Variants in TBC1D12 observed in about 807,000 individuals in gnomAD.
TBC1D12 encodes TBC1 domain family, member 12.
TBC1D12 carries 56 observed loss-of-function variants against 86.7 expected under a neutral mutation model. That is an observed-to-expected ratio of 0.65 (90% confidence interval 0.52 to 0.81). TBC1D12 has a LOEUF of 0.81. Ranked by LOEUF, TBC1D12 falls within the 30% of genes least tolerant of loss-of-function variation. TBC1D12 has a pLI of 0.00. For missense variants in TBC1D12, 1,023 were observed against 1,038.8 expected, an observed-to-expected ratio of 0.98 and a Z score of 0.21; for synonymous variants, 421 against 411.7, an observed-to-expected ratio of 1.02 and a Z score of -0.27.
At chr10:94,465,778 A>ACATACATACGTATACG (rs2055805428) in intron 2 of TBC1D12, among the ~76,000 whole-genome samples, 3 of 137,830 alleles carry the variant, frequency 2.2e-5, no homozygotes, top group Non-Finnish European at 4.8e-5. Flanking sequence ...GTATACGCAT[A>ACATACATACGTATACG]CATACATACA....
At chr10:94,474,862 A>C in intron 3 of TBC1D12, 79 bp downstream of exon 3, 1 of 1,267,382 alleles carries the variant, frequency 7.9e-7, no homozygotes, top group Non-Finnish European at 1.1e-6. Context: ...TTTAAAAGAT[A>C]GCGAGAAAGA....
chr10:94,440,104 TTACTC>T (rs1300771166), intron 1 of TBC1D12, among the ~76,000 whole-genome samples: 1 of 152,196 alleles, frequency 6.6e-6, no homozygotes, highest in Non-Finnish European at 1.5e-5. Flanking sequence ...AAAGTAGAAA[TTACTC>T]TAGTGTCATA....
intron 9 of TBC1D12, among the ~76,000 whole-genome samples, chr10:94,513,720 T>A (rs976662339): frequency 3.3e-5 from 5 of 151,972 alleles, no homozygotes; most frequent in African/African-American, 1.2e-4. Flanking sequence ...CAAGCCACCA[T>A]GCTTGGCTAA....
chr10:94,522,916 C>A (rs991405747), intron 11 of TBC1D12, among the ~76,000 whole-genome samples: 4 of 151,806 alleles, frequency 2.6e-5, no homozygotes, highest in Middle Eastern at 3.4e-3. Context: ...TAGTGGCATG[C>A]ACCTGTAATC....
chr10:94,466,940 T>G (rs1332627986), intron 2 of TBC1D12, among the ~76,000 whole-genome samples: 1 of 152,196 alleles, frequency 6.6e-6, no homozygotes, highest in Non-Finnish European at 1.5e-5. Context: ...TTAATGAACT[T>G]GACACTTTTG....
intron 1 of TBC1D12, among the ~76,000 whole-genome samples, chr10:94,432,307 C>T (rs1339717585): frequency 3.9e-5 from 6 of 152,096 alleles, no homozygotes; most frequent in Non-Finnish European, 4.4e-5. Context: ...TATTTATGTA[C>T]CTTTTCACTG....
At chr10:94,497,821 CT>C (rs796259533) in intron 5 of TBC1D12, among the ~76,000 whole-genome samples, 8,208 of 100,054 alleles carry the variant, frequency 0.082, 310 homozygotes, top group Middle Eastern at 0.17. Context: ...ACTGTGTTTT[CT>C]TTTTTTTTTT....
chr10:94,507,476 A>G (rs542539238), intron 7 of TBC1D12, 129 bp downstream of exon 7: 1 of 838,806 alleles, frequency 1.2e-6, no homozygotes, highest in Admixed American at 3.5e-5. Flanking sequence ...AAACAAGGCT[A>G]GAAAAAAGAC....
chr10:94,407,545 G>A (rs531206830), intron 1 of TBC1D12, among the ~76,000 whole-genome samples: 12 of 152,224 alleles, frequency 7.9e-5, no homozygotes, highest in Admixed American at 2.0e-4. Flanking sequence ...TTAGCTGGGC[G>A]TGGTGGTGGG....
Position 94,497,173 on chromosome 10 carries a change from G to A in TBC1D12, c.1412+1G>A, listed in dbSNP as rs762081280. 1.3e-6 allele frequency: 2 copies of A among 1,499,176 alleles called. No individual in the cohort carries two copies. Among genetic ancestry groups the A allele is most frequent in the Non-Finnish European group, 1.8e-6 (2 of 1,122,100 alleles). The allele number at this position is 1,499,176 out of a possible 1,614,324, so 92.9% of individuals were successfully genotyped here. Reference sequence around the variant, plus strand: ...AAATACTGCCCAATTGGGAAGTAATGTAAGTAAGCAGACTTTTCCTAAATT... The same window carrying A: ...AAATACTGCCCAATTGGGAAGTAATATAAGTAAGCAGACTTTTCCTAAATT... On this transcript the variant is annotated splice_donor_variant, in intron 5 of 12. Transcript: ENST00000225235. LOFTEE classifies it high-confidence loss of function.
At chr10:94,503,056 G>A (rs1005303688) in intron 6 of TBC1D12, among the ~76,000 whole-genome samples, 2 of 151,954 alleles carry the variant, frequency 1.3e-5, no homozygotes, top group African/African-American at 4.8e-5. Context: ...AGGTTATTCT[G>A]TGGCTTTCTT....
At chr10:94,492,118 T>C (rs1175443697) in intron 3 of TBC1D12, among the ~76,000 whole-genome samples, 2 of 152,200 alleles carry the variant, frequency 1.3e-5, no homozygotes, top group African/African-American at 2.4e-5. Flanking sequence ...AACAAAAATG[T>C]GTTCCAATTG....
At chr10:94,409,151 C>T (rs1194029761) in intron 1 of TBC1D12, among the ~76,000 whole-genome samples, 1 of 151,842 alleles carries the variant, frequency 6.6e-6, no homozygotes, top group African/African-American at 2.4e-5. Flanking sequence ...TTTAAAAACC[C>T]CCCAAAAAAC....
At chr10:94,468,945 A>G (rs1036263337) in intron 2 of TBC1D12, among the ~76,000 whole-genome samples, 3 of 152,206 alleles carry the variant, frequency 2.0e-5, no homozygotes, top group African/African-American at 7.2e-5. Context: ...TCTGACGTGA[A>G]TATTTTACTG....
At chr10:94,464,515 G>A (rs2055777737) in intron 2 of TBC1D12, among the ~76,000 whole-genome samples, 1 of 152,118 alleles carries the variant, frequency 6.6e-6, no homozygotes, top group South Asian at 2.1e-4. Context: ...GCCCAGGCTG[G>A]AGTGCAGTGG....
intron 6 of TBC1D12, among the ~76,000 whole-genome samples, chr10:94,502,510 G>C (rs2056411367): frequency 6.6e-6 from 1 of 152,032 alleles, no homozygotes; most frequent in Non-Finnish European, 1.5e-5. Flanking sequence ...TTTGGGACCA[G>C]CCTGGGCAAC....
intron 3 of TBC1D12, among the ~76,000 whole-genome samples, chr10:94,483,193 G>C (rs1053778077): frequency 3.3e-5 from 5 of 151,958 alleles, no homozygotes; most frequent in Non-Finnish European, 5.9e-5. Flanking sequence ...TCCAAATCTT[G>C]GCTACTGTGA....
At chr10:94,481,991 G>A (rs553328973) in intron 3 of TBC1D12, among the ~76,000 whole-genome samples, 19 of 152,058 alleles carry the variant, frequency 1.2e-4, no homozygotes, top group Admixed American at 9.2e-4. Context: ...TTATTTTCTC[G>A]TTTTTCTTTT....
chr10:94,466,428 A>G (rs569034181), intron 2 of TBC1D12, among the ~76,000 whole-genome samples: 1 of 152,144 alleles, frequency 6.6e-6, no homozygotes, highest in East Asian at 1.9e-4. Context: ...ATATATATGT[A>G]TATATGTATA....
Sources: gnomAD v4.1 joint callset for allele counts (sites outside exome capture counted in the v4.1 genomes callset) on GRCh38, gnomAD v4.1.1 for gene constraint, MANE v1.5 for transcripts, NCBI Gene and HGNC (gene_info 2026-07-23, HGNC 2026-07-21) for gene names.